The following ENPP2 variants were observed in gnomAD, a reference collection of about 807,000 sequenced individuals.
ENPP2 encodes the protein ectonucleotide pyrophosphatase/phosphodiesterase 2, also known as autotaxin.
In ENPP2, 51 loss-of-function variants were observed where a neutral mutation model predicts 120.2. The observed-to-expected ratio is 0.42, with a 90% CI of 0.34 to 0.54. The LOEUF is 0.54. Ranked by LOEUF, ENPP2 falls within the 20% of genes least tolerant of loss-of-function variation. The pLI, the probability that ENPP2 is intolerant of heterozygous loss-of-function variation, is 0.04. For missense variants in ENPP2, 920 were observed against 1,066.5 expected, an observed-to-expected ratio of 0.86 and a Z score of 1.91; for synonymous variants, 365 against 366.4, an observed-to-expected ratio of 1.00 and a Z score of 0.04.
intron 9 of ENPP2, among the ~76,000 whole-genome samples, chr8:119,603,989 TG>T (rs1268632554): frequency 2.9e-4 from 44 of 151,070 alleles, no homozygotes; most frequent in Non-Finnish European, 4.3e-4. Context: ...TAGGCCTTAG[TG>T]TTCTAACCTC....
intron 1 of ENPP2, among the ~76,000 whole-genome samples, chr8:119,664,137 ATT>A (rs1818003366): frequency 6.6e-6 from 1 of 152,230 alleles, no homozygotes; most frequent in African/African-American, 2.4e-5. Flanking sequence ...TTATAAAATC[ATT>A]CTTATGAAAG....
chr8:119,576,425 A>T (rs906906992), intron 19 of ENPP2, among the ~76,000 whole-genome samples: 1 of 152,210 alleles, frequency 6.6e-6, no homozygotes, highest in Non-Finnish European at 1.5e-5. Context: ...AGTGTGAGCC[A>T]CTGACCGCAC....
intron 9 of ENPP2, among the ~76,000 whole-genome samples, chr8:119,605,430 ATGTGTGTGTGTG>A (rs573767269): frequency 2.2e-5 from 3 of 133,816 alleles, no homozygotes; most frequent in South Asian, 2.6e-4. Flanking sequence ...GATACCATAT[ATGTGTGTGTGTG>A]TGTGTGTGTG....
At chr8:119,657,453 G>A (rs1259593531) in intron 1 of ENPP2, among the ~76,000 whole-genome samples, 1 of 152,234 alleles carries the variant, frequency 6.6e-6, no homozygotes, top group Non-Finnish European at 1.5e-5. Context: ...ATCATCTCCC[G>A]AAAGTTCTAC....
chr8:119,633,343 T>C (rs1351281822), intron 2 of ENPP2, among the ~76,000 whole-genome samples: 8 of 152,242 alleles, frequency 5.3e-5, no homozygotes, highest in Non-Finnish European at 7.3e-5. Flanking sequence ...CTCCTGTTTA[T>C]GATACTGCTC....
chr8:119,607,907 A>C lies in ENPP2; in HGVS notation c.833+15T>G, dbSNP rs201034482. 11 of 1,543,150 alleles carry C rather than the reference A, an allele frequency of 7.1e-6. No individual in the cohort carries two copies. The highest frequency in any genetic ancestry group is 9.7e-6 in the Non-Finnish European group (11 of 1,131,558). On this transcript the variant is annotated intron_variant, in intron 9 of 24. Coordinates refer to ENST00000075322, the MANE Select transcript of ENPP2 (RefSeq NM_001040092.3). ...CTGTCATTTTATAAACATTGACAAA[A>C]TAAAGGTAACTTACACAGACCAAAA...
chr8:119,665,342 T>C (rs762427120), intron 1 of ENPP2, among the ~76,000 whole-genome samples: 1 of 152,208 alleles, frequency 6.6e-6, no homozygotes, highest in Non-Finnish European at 1.5e-5. Flanking sequence ...AATGGACACC[T>C]TCCTGCTTGT....
intron 20 of ENPP2, 68 bp downstream of exon 20, chr8:119,570,637 A>G: frequency 1.2e-6 from 1 of 822,500 alleles, no homozygotes; most frequent in Non-Finnish European, 1.8e-6. Flanking sequence ...CTGTTAAGCA[A>G]GGAATCATTG....
At chr8:119,575,300 C>T (rs2130190294) in intron 19 of ENPP2, among the ~76,000 whole-genome samples, 1 of 152,134 alleles carries the variant, frequency 6.6e-6, no homozygotes, top group Non-Finnish European at 1.5e-5. Context: ...CAGTTGGGTG[C>T]TGGCCGCTGG....
chr8:119,628,379 C>T (rs1816427994), intron 2 of ENPP2, among the ~76,000 whole-genome samples: 1 of 152,168 alleles, frequency 6.6e-6, no homozygotes, highest in Non-Finnish European at 1.5e-5. Context: ...CCCAGAAATT[C>T]TATTACTAGA....
chr8:119,581,645 G>A (rs1327370144), intron 18 of ENPP2, among the ~76,000 whole-genome samples: 4 of 151,890 alleles, frequency 2.6e-5, no homozygotes, highest in Admixed American at 2.0e-4. Flanking sequence ...GGTACTATGC[G>A]AACCCCAGGG....
chr8:119,605,467 T>TGTGTGTGTA (rs1209460755), intron 9 of ENPP2, among the ~76,000 whole-genome samples: 1 of 142,416 alleles, frequency 7.0e-6, no homozygotes, highest in African/African-American at 2.7e-5. Flanking sequence ...TGTGTGTGTA[T>TGTGTGTGTA]TTTTTTTTTT....
chr8:119,671,380 A>T (rs1364173166), intron 1 of ENPP2, among the ~76,000 whole-genome samples: 1 of 152,200 alleles, frequency 6.6e-6, no homozygotes, highest in African/African-American at 2.4e-5. Flanking sequence ...GCCCCAGATG[A>T]GACTAATGGG....
At chr8:119,579,718 A>T (rs781220027) in intron 19 of ENPP2, among the ~76,000 whole-genome samples, 2 of 151,756 alleles carry the variant, frequency 1.3e-5, no homozygotes, top group Non-Finnish European at 2.9e-5. Context: ...TCCCTATCAC[A>T]ATATATATAT....
chr8:119,669,349 T>A (rs1192204443), intron 1 of ENPP2, among the ~76,000 whole-genome samples: 2 of 152,238 alleles, frequency 1.3e-5, no homozygotes, highest in Non-Finnish European at 2.9e-5. Context: ...ATAACCATGT[T>A]TCAGGTGCAT....
chr8:119,631,451 T>G (rs577990524), intron 2 of ENPP2, among the ~76,000 whole-genome samples: 154 of 149,326 alleles, frequency 1.0e-3, no homozygotes, highest in African/African-American at 3.7e-3. Context: ...CTCCTGACAT[T>G]GTGATCCGCC....
At chr8:119,649,592 G>T (rs1445242574) in intron 1 of ENPP2, among the ~76,000 whole-genome samples, 1 of 152,120 alleles carries the variant, frequency 6.6e-6, no homozygotes, top group Non-Finnish European at 1.5e-5. Flanking sequence ...AGACATTATT[G>T]TCAATATGGC....
intron 8 of ENPP2, among the ~76,000 whole-genome samples, chr8:119,609,677 A>G (rs181465947): frequency 3.8e-4 from 58 of 152,244 alleles, no homozygotes; most frequent in African/African-American, 1.3e-3. Flanking sequence ...CCAGTTCCCA[A>G]AGAGGCCAGT....
At chr8:119,591,182 G>T (rs1231174923) in intron 12 of ENPP2, among the ~76,000 whole-genome samples, 4 of 152,144 alleles carry the variant, frequency 2.6e-5, no homozygotes, top group East Asian at 1.9e-4. Context: ...GGATGTTACT[G>T]ACAAAACAAT....
Sources: gnomAD v4.1 joint callset for allele counts (sites outside exome capture counted in the v4.1 genomes callset) on GRCh38, gnomAD v4.1.1 for gene constraint, MANE v1.5 for transcripts, NCBI Gene and HGNC (gene_info 2026-07-23, HGNC 2026-07-21) for gene names.